RIMS1: variants seen among roughly 807,000 people sequenced by gnomAD.
The protein encoded by RIMS1 is regulating synaptic membrane exocytosis protein 1.
Under a neutral mutation model 214.1 loss-of-function variants are expected in RIMS1, and 83 were observed. The observed-to-expected ratio is 0.39, with a 90% confidence interval of 0.32 to 0.47. The LOEUF is 0.47. Among genes scored for constraint, RIMS1 ranks in the 20% least tolerant of loss-of-function variants. The pLI is 0.99. For synonymous variants in RIMS1, 793 were observed against 786.8 expected, an observed-to-expected ratio of 1.01 and a Z score of -0.13; for missense variants, 2,050 against 2,161.8, an observed-to-expected ratio of 0.95 and a Z score of 1.03.
intron 2 of RIMS1, among the ~76,000 whole-genome samples, chr6:72,089,978 C>T (rs1435572645): frequency 7.6e-6 from 1 of 131,868 alleles, no homozygotes; most frequent in Non-Finnish European, 1.5e-5. Flanking sequence ...AATGAGATCA[C>T]ATGGACACAG....
In RIMS1 at chr6:72,096,083, A is replaced by C. The variant is rs2031537630; in HGVS notation, c.246-866A>C. On this transcript the variant is annotated intron_variant, in intron 2 of 33. Coordinates refer to ENST00000521978, the MANE Select transcript of RIMS1 (RefSeq NM_014989.7). ...GATTTGAACTGATGTCGATGGGAGG[A>C]GACTTTAATCACATTAAATGTGAAC... Among the ~76,000 whole-genome samples the C allele has an allele frequency of 3.3e-5, 5 of 152,178 alleles. No individual in the cohort carries two copies. In the South Asian group the frequency reaches 1.0e-3, roughly 32 times the overall value.
chr6:72,108,325 A>C (rs2153816708), intron 4 of RIMS1, among the ~76,000 whole-genome samples: 1 of 152,222 alleles, frequency 6.6e-6, no homozygotes, highest in African/African-American at 2.4e-5. Context: ...TGTGGGCTCA[A>C]GTGATCCTCC....
At chr6:72,272,363 C>A (rs1166689706) in intron 22 of RIMS1, among the ~76,000 whole-genome samples, 1 of 152,042 alleles carries the variant, frequency 6.6e-6, no homozygotes, top group Admixed American at 6.6e-5. Context: ...TAAGTGACAT[C>A]TTTTCTTAGG....
At chr6:72,235,778 T>C (rs756265790) in intron 8 of RIMS1, 50 bp downstream of exon 8, 4 of 999,850 alleles carry the variant, frequency 4.0e-6, no homozygotes, top group Middle Eastern at 2.1e-4. Context: ...TACAGTATGG[T>C]CTGCATTCAT....
chr6:72,178,107 A>AT lies in RIMS1; in HGVS notation c.472-1464dup, dbSNP rs1341956303. 3.3e-5 allele frequency among the ~76,000 whole-genome samples: 5 copies of AT among 152,318 alleles called. 1 individual carries two copies. The South Asian group carries it at 1.0e-3, about 32-fold the overall frequency. On this transcript the variant is annotated intron_variant, in intron 4 of 33. Transcript: ENST00000521978. Reference sequence around the variant, plus strand: ...TGCTTTTTTGAACCTAGTACACTTCATTTTATGACTGGGAAAGTCTAAATA... The same window carrying AT: ...TGCTTTTTTGAACCTAGTACACTTCATTTTTATGACTGGGAAAGTCTAAATA...
At chr6:72,123,388 C>G (rs929268566) in intron 4 of RIMS1, among the ~76,000 whole-genome samples, 4 of 151,830 alleles carry the variant, frequency 2.6e-5, no homozygotes, top group African/African-American at 9.7e-5. Context: ...TGCTTTACTT[C>G]CCACCATGTG....
At chr6:72,253,167 T>C (rs1590698636) in intron 16 of RIMS1, among the ~76,000 whole-genome samples, 1 of 152,160 alleles carries the variant, frequency 6.6e-6, no homozygotes, top group Admixed American at 6.6e-5. Flanking sequence ...TTTTCTGTGT[T>C]TTATATTTGC....
At chr6:72,047,754 T>A (rs1475007774) in intron 2 of RIMS1, among the ~76,000 whole-genome samples, 1 of 152,186 alleles carries the variant, frequency 6.6e-6, no homozygotes, top group Non-Finnish European at 1.5e-5. Flanking sequence ...CATGATTGAA[T>A]TAGGTTACTT....
intron 2 of RIMS1, among the ~76,000 whole-genome samples, chr6:71,973,634 C>G (rs1313186182): frequency 6.6e-6 from 1 of 152,088 alleles, no homozygotes; most frequent in Non-Finnish European, 1.5e-5. Context: ...GAGAGTTGTC[C>G]AGGAGAGCCC....
chr6:72,070,048 T>C (rs976768128), intron 2 of RIMS1, among the ~76,000 whole-genome samples: 5 of 152,178 alleles, frequency 3.3e-5, no homozygotes, highest in Non-Finnish European at 7.4e-5. Context: ...CCTTCCCAAT[T>C]TTTCCTTTAA....
intron 6 of RIMS1, among the ~76,000 whole-genome samples, chr6:72,215,922 A>G (rs1274080465): frequency 1.3e-5 from 2 of 152,212 alleles, no homozygotes; most frequent in African/African-American, 4.8e-5. Flanking sequence ...CATGTAATTT[A>G]AGTAAACACA....
intron 27 of RIMS1, among the ~76,000 whole-genome samples, chr6:72,307,854 T>C (rs1052150015): frequency 2.0e-5 from 3 of 152,176 alleles, no homozygotes; most frequent in African/African-American, 7.2e-5. Flanking sequence ...TCGTGTGATA[T>C]AACTTCATTG....
intron 2 of RIMS1, among the ~76,000 whole-genome samples, chr6:72,028,150 T>A (rs545509956): frequency 1.3e-5 from 2 of 152,284 alleles, no homozygotes; most frequent in South Asian, 4.1e-4. Flanking sequence ...AGCCAAGCAG[T>A]CAACAATAAT....
At chr6:72,197,406 A>C (rs897104629) in intron 6 of RIMS1, among the ~76,000 whole-genome samples, 2 of 152,138 alleles carry the variant, frequency 1.3e-5, no homozygotes, top group African/African-American at 4.8e-5. Context: ...AGAATGCTTA[A>C]AAAACAAACA....
intron 6 of RIMS1, among the ~76,000 whole-genome samples, chr6:72,198,745 G>A (rs1349011946): frequency 2.0e-5 from 3 of 151,676 alleles, no homozygotes; most frequent in East Asian, 1.9e-4. Context: ...TATGCTATGG[G>A]TGTAACAAAA....
At chr6:72,309,859 C>A (rs2095423803) in intron 27 of RIMS1, among the ~76,000 whole-genome samples, 1 of 151,918 alleles carries the variant, frequency 6.6e-6, no homozygotes. Context: ...CTCCACATCT[C>A]TAATATTTAT....
intron 31 of RIMS1, among the ~76,000 whole-genome samples, chr6:72,395,710 A>C (rs2098766385): frequency 6.6e-6 from 1 of 152,078 alleles, no homozygotes; most frequent in African/African-American, 2.4e-5. Context: ...AGTATAGGCC[A>C]GAAGCCATTG....
At chr6:72,133,926 G>T (rs62408078) in intron 4 of RIMS1, among the ~76,000 whole-genome samples, 32,249 of 152,038 alleles carry the variant, frequency 0.21, 4,085 homozygotes, top group Non-Finnish European at 0.27. Flanking sequence ...TTATAAGTTG[G>T]ATAACTTTAG....
At chr6:72,040,920 A>G (rs1202103057) in intron 2 of RIMS1, among the ~76,000 whole-genome samples, 1 of 151,750 alleles carries the variant, frequency 6.6e-6, no homozygotes, top group Non-Finnish European at 1.5e-5. Context: ...TGTCCCTACA[A>G]CCCTACAACC....
Sources: allele counts gnomAD v4.1 joint callset (sites outside exome capture counted in the v4.1 genomes callset), GRCh38; gene constraint gnomAD v4.1.1; transcripts MANE v1.5; gene names NCBI Gene and HGNC (gene_info 2026-07-23, HGNC 2026-07-21).